The following NXPE2 variants were observed in gnomAD, a reference collection of about 807,000 sequenced individuals.
NXPE2 encodes the protein NXPE family member 2.
A neutral mutation model predicts 34.4 loss-of-function variants in NXPE2; 34 were observed. The ratio of observed to expected loss-of-function variants is 0.99; its 90% CI spans 0.75 to 1.31. The LOEUF (loss-of-function observed/expected upper bound fraction) is 1.31, where lower values mean the gene tolerates loss of function less well. NXPE2 is among the 40% of genes most tolerant of loss of function. The pLI, the probability that NXPE2 is intolerant of heterozygous loss-of-function variation, is 0.00. For synonymous variants in NXPE2, 235 were observed against 231.3 expected (o/e 1.02, Z -0.15); for missense variants, 649 against 672.5 (o/e 0.97, Z 0.39).
intron 2 of NXPE2, among the ~76,000 whole-genome samples, chr11:114,681,835 G>C (rs1229545459): frequency 1.3e-5 from 2 of 151,998 alleles, no homozygotes; most frequent in African/African-American, 4.8e-5. Context: ...TACCAAATAA[G>C]CTACACACGT....
the NXPE2 span, among the ~76,000 whole-genome samples, chr11:114,720,730 ATTAAT>A: frequency 1.3e-5 from 2 of 152,236 alleles, no homozygotes; most frequent in African/African-American, 2.4e-5. Context: ...TGTTATCAAA[ATTAAT>A]TTATTTCCTT....
At chr11:114,615,350 C>T in the NXPE2 span, among the ~76,000 whole-genome samples, 1 of 151,988 alleles carries the variant, frequency 6.6e-6, no homozygotes, top group Non-Finnish European at 1.5e-5. Flanking sequence ...CTAAGTTTTG[C>T]CTCGTGGATA....
At chr11:114,661,832 T>G in the NXPE2 span, among the ~76,000 whole-genome samples, 1 of 152,152 alleles carries the variant, frequency 6.6e-6, no homozygotes, top group Non-Finnish European at 1.5e-5. Flanking sequence ...GACACAGAGG[T>G]TGACAGAAAA....
the NXPE2 span, among the ~76,000 whole-genome samples, chr11:114,665,261 A>G: frequency 1.3e-5 from 2 of 152,164 alleles, no homozygotes; most frequent in African/African-American, 4.8e-5. Context: ...TCTCTCAACC[A>G]GCTTTAAGTC....
At chr11:114,603,849 G>A in the NXPE2 span, among the ~76,000 whole-genome samples, 1 of 151,314 alleles carries the variant, frequency 6.6e-6, no homozygotes, top group South Asian at 2.1e-4. Flanking sequence ...AATAAGTATT[G>A]CCTCCTCTCC....
intron 3 of NXPE2, among the ~76,000 whole-genome samples, chr11:114,701,380 A>G (rs140069533): frequency 1.5e-3 from 233 of 152,272 alleles, no homozygotes; most frequent in African/African-American, 5.4e-3. Flanking sequence ...CAGGAAATCC[A>G]AAGTCCCTAG....
At chr11:114,471,391 G>GT in the NXPE2 span, among the ~76,000 whole-genome samples, 1 of 151,972 alleles carries the variant, frequency 6.6e-6, no homozygotes. Context: ...AACAATAGTA[G>GT]TTTTTTACAG....
At chr11:114,599,383 C>T in the NXPE2 span, among the ~76,000 whole-genome samples, 8 of 152,272 alleles carry the variant, frequency 5.3e-5, no homozygotes, top group South Asian at 4.1e-4. Flanking sequence ...CAAAGTTTCT[C>T]TTATATTCTT....
the NXPE2 span, among the ~76,000 whole-genome samples, chr11:114,727,424 T>A: frequency 6.6e-6 from 1 of 152,034 alleles, no homozygotes; most frequent in Non-Finnish European, 1.5e-5. Context: ...CTGAAAAGCC[T>A]CACTTCCTAA....
At chr11:114,636,679 T>C in the NXPE2 span, among the ~76,000 whole-genome samples, 1 of 152,082 alleles carries the variant, frequency 6.6e-6, no homozygotes, top group Non-Finnish European at 1.5e-5. Flanking sequence ...TTCTCATTGA[T>C]TTCAAAGAAC....
intron 2 of NXPE2, among the ~76,000 whole-genome samples, chr11:114,685,672 T>C (rs1386490853): frequency 6.6e-6 from 1 of 152,066 alleles, no homozygotes; most frequent in Non-Finnish European, 1.5e-5. Flanking sequence ...AACAGGTTAT[T>C]AAATAATGAG....
the NXPE2 span, among the ~76,000 whole-genome samples, chr11:114,493,533 C>T: frequency 2.0e-5 from 3 of 152,122 alleles, no homozygotes; most frequent in Non-Finnish European, 4.4e-5. Flanking sequence ...TATCTTATAA[C>T]CCATCATTTT....
chr11:114,804,978 TTTC>T, the NXPE2 span, among the ~76,000 whole-genome samples: 322 of 152,288 alleles, frequency 2.1e-3, 5 homozygotes, highest in Admixed American at 0.019. Context: ...CAGGGGATGT[TTTC>T]TCTTTAGAGT....
chr11:114,573,138 T>A, the NXPE2 span, among the ~76,000 whole-genome samples: 1 of 152,048 alleles, frequency 6.6e-6, no homozygotes, highest in East Asian at 1.9e-4. Context: ...GAAAAGATAG[T>A]CTTTTCGAGA....
At chr11:114,553,322 TC>T in the NXPE2 span, among the ~76,000 whole-genome samples, 35 of 152,284 alleles carry the variant, frequency 2.3e-4, 1 homozygote, top group South Asian at 6.8e-3. Context: ...GAGAGGAGAA[TC>T]ACCTCAGGCT....
chr11:114,648,870 T>C, the NXPE2 span, among the ~76,000 whole-genome samples: 1 of 152,206 alleles, frequency 6.6e-6, no homozygotes, highest in Non-Finnish European at 1.5e-5. Flanking sequence ...AATGATATAA[T>C]ATAAAGTGAA....
intron 1 of NXPE2, among the ~76,000 whole-genome samples, chr11:114,679,098 T>C (rs952150831): frequency 1.3e-5 from 2 of 152,066 alleles, no homozygotes; most frequent in African/African-American, 2.4e-5. Context: ...TAACTTTCAC[T>C]CTTTTTGGCA....
chr11:114,527,955 A>G, the NXPE2 span: 4 of 1,355,960 alleles, frequency 2.9e-6, no homozygotes, highest in Non-Finnish European at 4.1e-6. Flanking sequence ...CATGTAACAC[A>G]GGTGAATCAT....
chr11:114,629,496 A>C, the NXPE2 span, among the ~76,000 whole-genome samples: 1 of 151,440 alleles, frequency 6.6e-6, no homozygotes, highest in Non-Finnish European at 1.5e-5. Context: ...ACTCTCAATA[A>C]ATTAGGTATT....
Sources: gnomAD v4.1 joint callset for allele counts (sites outside exome capture counted in the v4.1 genomes callset) on GRCh38, gnomAD v4.1.1 for gene constraint, MANE v1.5 for transcripts, NCBI Gene and HGNC (gene_info 2026-07-23, HGNC 2026-07-21) for gene names.